The following STX12 variants were observed in gnomAD, a reference collection of about 807,000 sequenced individuals.
STX12 encodes syntaxin-12.
STX12 carries 17 observed loss-of-function variants against 42.2 expected under a neutral mutation model. That is an observed-to-expected ratio of 0.40 (90% CI 0.28 to 0.60). The LOEUF is 0.60. Among genes scored for constraint, STX12 ranks in the 20% least tolerant of loss-of-function variants. STX12 has a pLI of 0.39. For synonymous variants in STX12, 108 were observed against 116.7 expected (o/e 0.93, Z 0.48); for missense variants, 297 against 330.9 (o/e 0.90, Z 0.79).
At chr1:27,795,163 T>C (rs990665498) in intron 3 of STX12, among the ~76,000 whole-genome samples, 2 of 152,164 alleles carry the variant, frequency 1.3e-5, no homozygotes, top group Non-Finnish European at 2.9e-5. Context: ...GAAGTCATTT[T>C]AGTGTATTGA....
chr1:27,793,647 T>C lies in STX12; in HGVS notation c.288+15T>C. On this transcript the variant is annotated intron_variant, in intron 3 of 8. Coordinates refer to ENST00000373943, the MANE Select transcript of STX12 (RefSeq NM_177424.3). The stretch of plus-strand genomic sequence containing the variant: ...CTTCAGAACAGGTTGGTATTTTCTG[T>C]TTTGTTTATTAATAGGAAAGGACTT... 6.2e-7 allele frequency: 1 copy of C among 1,604,208 alleles called. No individual in the cohort carries two copies. The highest frequency in any genetic ancestry group is 8.5e-7 in the Non-Finnish European group (1 of 1,171,408).
chr1:27,779,319 T>G (rs76355593), intron 1 of STX12, among the ~76,000 whole-genome samples: 18 of 147,650 alleles, frequency 1.2e-4, no homozygotes, highest in African/African-American at 2.4e-4. Context: ...AATCAGATGG[T>G]TTTTTTTGTT....
intron 1 of STX12, among the ~76,000 whole-genome samples, chr1:27,778,711 AAAAAG>A (rs1458733355): frequency 6.6e-6 from 1 of 151,980 alleles, no homozygotes; most frequent in Non-Finnish European, 1.5e-5. Context: ...AAAAAAAAAA[AAAAAG>A]AACAGCATTT....
chr1:27,776,028 A>T (rs903015533), intron 1 of STX12, among the ~76,000 whole-genome samples: 11 of 152,184 alleles, frequency 7.2e-5, no homozygotes, highest in Non-Finnish European at 1.6e-4. Flanking sequence ...TGCGAATTGA[A>T]TTCAAAGGGA....
chr1:27,773,759 A>C (rs2088611502), intron 1 of STX12: 1 of 249,776 alleles, frequency 4.0e-6, no homozygotes, highest in Non-Finnish European at 8.2e-6. Context: ...CGCAGTGGTC[A>C]GCCGAGTTTC....
chr1:27,799,477 G>GTTTTTTT lies in STX12; in HGVS notation c.289-2196_289-2190dup, dbSNP rs200472226. ...GGTTGAACCCCAAACTCATTAGCTT[G>GTTTTTTT]TTTTTTTTTTTGTTTTTTTTTTTGA... On this transcript the variant is annotated intron_variant, in intron 3 of 8. Transcript: ENST00000373943. Among the ~76,000 whole-genome samples, 198 of 130,636 alleles carry GTTTTTTT rather than the reference G, an allele frequency of 1.5e-3. 17 individuals carry two copies. The highest frequency in any genetic ancestry group is 5.9e-3 in the African/African-American group (184 of 31,174). The allele number at this position is 130,636 out of a possible 152,430, so 85.7% of individuals were successfully genotyped here. A position where few individuals can be genotyped will look rare whatever the true frequency, so the allele number is the denominator to read the frequency against.
intron 1 of STX12, among the ~76,000 whole-genome samples, chr1:27,777,521 A>G (rs1452951308): frequency 6.6e-6 from 1 of 152,072 alleles, no homozygotes; most frequent in Non-Finnish European, 1.5e-5. Context: ...ACCATTTTGG[A>G]ACTCTTCCTG....
At chr1:27,809,812 A>G (rs1323036430) in intron 4 of STX12, 1 of 153,928 alleles carries the variant, frequency 6.5e-6, no homozygotes, top group African/African-American at 2.4e-5. Context: ...ACCTTAGGAG[A>G]AAAAAAGGTA....
At chr1:27,792,344 G>GTAGATACATATATATGTATATATATA (rs2088755275) in intron 2 of STX12, among the ~76,000 whole-genome samples, 1 of 117,014 alleles carries the variant, frequency 8.5e-6, no homozygotes, top group Non-Finnish European at 1.8e-5. Context: ...CTATATATAT[G>GTAGATACATATATATGTATATATATA]TAGATACATA....
At chr1:27,802,661 T>C (rs2088835051) in intron 4 of STX12, among the ~76,000 whole-genome samples, 1 of 152,180 alleles carries the variant, frequency 6.6e-6, no homozygotes, top group Non-Finnish European at 1.5e-5. Context: ...ACAAATTCCT[T>C]CTGTAGAAAG....
At chr1:27,788,822 T>A (rs1279636824) in intron 1 of STX12, among the ~76,000 whole-genome samples, 1 of 152,014 alleles carries the variant, frequency 6.6e-6, no homozygotes, top group East Asian at 1.9e-4. Flanking sequence ...CCATCCTGGC[T>A]AACATGGTGA....
chr1:27,773,255 G>A lies in STX12; in HGVS notation c.-53G>A. 7.9e-7 allele frequency: 1 copy of A among 1,263,952 alleles called. No homozygotes were observed. Among genetic ancestry groups the A allele is most frequent in the East Asian group, 2.5e-5 (1 of 39,840 alleles). 78.3% of individuals were successfully genotyped at this position (1,263,952 alleles called of 1,614,324 possible). ...CGTCAGCCTGCGGGTCCCGGCTGGC[G>A]GCTGCTTCCGGTAGGAGAGCGGTGT... On this transcript the variant is annotated 5_prime_UTR_variant, in exon 1 of 9. Transcript: ENST00000373943.
rs550102857 is a variant in STX12, at chr1:27,819,690, C to T, written c.690C>T (p.Val230=). The change falls in exon 8 of 9, where the codon GTC becomes GTT. Residue 230 remains valine, a synonymous_variant. Transcript: ENST00000373943. The stretch of plus-strand genomic sequence containing the variant: ...ATGTGGAAAGCTCAGAGGTGCACGT[C>T]GAAAGAGCCACTGAACAGTTACAGC... The part of the protein sequence containing the change: ...EANVESSEVH[V]ERATEQLQRA... The T allele has an allele frequency of 6.2e-6, 10 of 1,613,846 alleles. No homozygotes were observed. The East Asian group carries it at 6.7e-5, about 11-fold the overall frequency.
intron 3 of STX12, 123 bp from the exon 4 acceptor site, chr1:27,801,555 C>G (rs990916280): frequency 2.9e-6 from 3 of 1,026,198 alleles, no homozygotes; most frequent in East Asian, 3.2e-5. Context: ...AAAGAAGAGA[C>G]TATTTCATAA....
At chr1:27,817,238 A>G (rs899854117) in intron 6 of STX12, among the ~76,000 whole-genome samples, 1 of 152,176 alleles carries the variant, frequency 6.6e-6, no homozygotes, top group African/African-American at 2.4e-5. Flanking sequence ...ACCTTCTTTG[A>G]TCAGAGCAGT....
chr1:27,819,147 T>C (rs555841688), intron 7 of STX12, among the ~76,000 whole-genome samples: 1 of 151,820 alleles, frequency 6.6e-6, no homozygotes, highest in East Asian at 1.9e-4. Context: ...CATGCACCTG[T>C]AGTCCTAGCT....
intron 3 of STX12, among the ~76,000 whole-genome samples, chr1:27,800,544 T>C (rs2088820924): frequency 6.6e-6 from 1 of 151,432 alleles, no homozygotes; most frequent in Non-Finnish European, 1.5e-5. Flanking sequence ...TTGTTTTGTT[T>C]TTTCAGACAG....
intron 5 of STX12, among the ~76,000 whole-genome samples, chr1:27,811,606 G>A (rs1466892096): frequency 6.6e-6 from 1 of 151,578 alleles, no homozygotes; most frequent in Non-Finnish European, 1.5e-5. Flanking sequence ...CAAAGTGCTA[G>A]GATTACAGGC....
At chr1:27,792,421 G>T (rs1004837264) in intron 2 of STX12, among the ~76,000 whole-genome samples, 5 of 150,124 alleles carry the variant, frequency 3.3e-5, no homozygotes, top group Non-Finnish European at 7.4e-5. Context: ...GTAAGAGAAT[G>T]ACTATTATTG....
Sources: gnomAD v4.1 joint callset for allele counts (sites outside exome capture counted in the v4.1 genomes callset) on GRCh38, gnomAD v4.1.1 for gene constraint, MANE v1.5 for transcripts, NCBI Gene and HGNC (gene_info 2026-07-23, HGNC 2026-07-21) for gene names.